RPAIN: variants seen among roughly 807,000 people sequenced by gnomAD.
RPAIN encodes RPA-interacting protein.
RPAIN carries 29 observed loss-of-function variants against 30.5 expected under a neutral mutation model. The ratio of observed to expected loss-of-function variants is 0.95; its 90% CI spans 0.71 to 1.30. The LOEUF (loss-of-function observed/expected upper bound fraction) is 1.30. Among genes scored for constraint, RPAIN ranks in the 50% most tolerant of loss-of-function variants. The pLI, the probability that RPAIN is intolerant of heterozygous loss-of-function variation, is 0.00. For missense variants in RPAIN, 247 were observed against 264.7 expected, an observed-to-expected ratio of 0.93 and a Z score of 0.46; for synonymous variants, 101 against 93.5, an observed-to-expected ratio of 1.08 and a Z score of -0.46.
At chr17:5,429,489 CTAA>C in intron 6 of RPAIN, 1 of 984,210 alleles carries the variant, frequency 1.0e-6, no homozygotes, top group South Asian at 4.7e-5. Flanking sequence ...AATTTTACTA[CTAA>C]TAAGCGATAG....
chr17:5,423,920 T>A (rs1268904075), intron 3 of RPAIN, among the ~76,000 whole-genome samples: 1 of 140,472 alleles, frequency 7.1e-6, no homozygotes, highest in East Asian at 3.3e-4. Context: ...CCCTGGCTAA[T>A]TTTTTTTTAT....
At chr17:5,424,632 T>A (rs1915206634) in intron 3 of RPAIN, among the ~76,000 whole-genome samples, 1 of 152,212 alleles carries the variant, frequency 6.6e-6, no homozygotes, top group Non-Finnish European at 1.5e-5. Context: ...ACTACTTTAA[T>A]TTGTGTGGCA....
At chr17:5,422,741 C>T (rs760366974) in intron 2 of RPAIN, 28 bp from the exon 3 acceptor site, 2 of 1,609,610 alleles carry the variant, frequency 1.2e-6, no homozygotes, top group Non-Finnish European at 1.7e-6. Context: ...ATACTTCAAA[C>T]TTCTGATGCC....
intron 3 of RPAIN, chr17:5,423,054 T>G: frequency 2.3e-6 from 1 of 438,680 alleles, no homozygotes; most frequent in South Asian, 4.4e-5. Flanking sequence ...AATGATGCTG[T>G]TTTCTCCATG....
At chr17:5,428,658 AGGTGTGAGGGCCAGGAACACAAGTG>A (rs1915634601) in intron 6 of RPAIN, 1 of 826,012 alleles carries the variant, frequency 1.2e-6, no homozygotes, top group Admixed American at 4.8e-5. Context: ...GTGACAACTG[AGGTGTGAGGGCCAGGAACACAAGTG>A]GGTAAGGGAA....
rs768490030 is a variant in RPAIN, at chr17:5,422,830, G to A, written c.313+1G>A. ...ATTCAACAGGAGCTGATCAACCAAG[G>A]TAACCCCTAGTGGTAGTCCTTCCTT... On this transcript the variant is annotated splice_donor_variant, in intron 3 of 6. Coordinates refer to ENST00000381209, the MANE Select transcript of RPAIN (RefSeq NM_001033002.4). LOFTEE classifies it high-confidence loss of function. 6.2e-7 allele frequency: 1 copy of A among 1,602,876 alleles called. No individual in the cohort carries two copies. Among genetic ancestry groups the A allele is most frequent in the Non-Finnish European group, 8.5e-7 (1 of 1,170,862 alleles).
At chr17:5,422,705 T>A in intron 2 of RPAIN, 64 bp from the exon 3 acceptor site, 1 of 1,481,234 alleles carries the variant, frequency 6.8e-7, no homozygotes, top group East Asian at 2.3e-5. Context: ...CAAGTATGAA[T>A]CACTGTGGGG....
chr17:5,425,883 T>G (rs1049526901), intron 3 of RPAIN, 88 bp from the exon 4 acceptor site: 12 of 805,774 alleles, frequency 1.5e-5, no homozygotes, highest in Non-Finnish European at 2.4e-5. Context: ...TTCCCTCGTG[T>G]GAAGGAAGCC....
Position 5,426,295 on chromosome 17 carries a change from C to T in RPAIN, c.485C>T (p.Ser162Phe). ...VVCQCGLSIP[S>F]HSSELTEQKL... ...TGTCAGTGTGGCCTGTCCATCCCATCTCATGTGAGTGTTCCACACACAGAT... is the reference window on the plus strand; with the variant it reads ...TGTCAGTGTGGCCTGTCCATCCCATTTCATGTGAGTGTTCCACACACAGAT... Residue 162 changes from serine (S) to phenylalanine (F), a missense_variant, in exon 5 of 7, where the codon TCT (serine) becomes TTT (phenylalanine). Coordinates refer to ENST00000381209, the MANE Select transcript of RPAIN (RefSeq NM_001033002.4). 1 of 1,613,302 alleles carries T rather than the reference C, an allele frequency of 6.2e-7. No homozygotes were observed. Among genetic ancestry groups the T allele is most frequent in the Middle Eastern group, 1.6e-4 (1 of 6,062 alleles).
chr17:5,422,647 G>A, intron 2 of RPAIN, 122 bp from the exon 3 acceptor site: 2 of 769,424 alleles, frequency 2.6e-6, no homozygotes, highest in Non-Finnish European at 4.5e-6. Flanking sequence ...TCTGCAGGAG[G>A]ACTGGACTGA....
chr17:5,421,164 A>G, intron 1 of RPAIN, 132 bp from the exon 2 acceptor site: 1 of 809,822 alleles, frequency 1.2e-6, no homozygotes, highest in Non-Finnish European at 1.9e-6. Flanking sequence ...TGCAAAAGTA[A>G]CACTAGTTAG....
chr17:5,420,243 C>T lies in RPAIN; in HGVS notation c.33C>T (p.Ser11=), dbSNP rs1597337145. The change falls in exon 1 of 7, where the codon TCC becomes TCT. Residue 11 remains serine, a synonymous_variant. Transcript: ENST00000381209. ...AGTCGTTGAGGTCTCCGCGCCGCTCCCTGTACAAACTGGTGGGCTCGCCGC... is the reference window on the plus strand; with the variant it reads ...AGTCGTTGAGGTCTCCGCGCCGCTCTCTGTACAAACTGGTGGGCTCGCCGC... The part of the protein sequence containing the change: MAESLRSPRR[S]LYKLVGSPPW... 6.2e-7 allele frequency: 1 copy of T among 1,613,884 alleles called. No homozygotes were observed. Among genetic ancestry groups the T allele is most frequent in the East Asian group, 2.2e-5 (1 of 44,858 alleles).
At chr17:5,429,301 G>A in intron 6 of RPAIN, 3 of 985,452 alleles carry the variant, frequency 3.0e-6, no homozygotes, top group South Asian at 9.4e-5. Context: ...GGTGAGTTGT[G>A]GGGGTAGAGC....
At chr17:5,424,077 T>C (rs1050079114) in intron 3 of RPAIN, among the ~76,000 whole-genome samples, 2 of 151,738 alleles carry the variant, frequency 1.3e-5, no homozygotes, top group Non-Finnish European at 2.9e-5. Flanking sequence ...GGCTTCATCC[T>C]CCTAGGCTCA....
At chr17:5,431,684 G>A (rs753312558) in intron 6 of RPAIN, 51 of 454,286 alleles carry the variant, frequency 1.1e-4, no homozygotes, top group South Asian at 7.8e-4. Flanking sequence ...GGCTGAGGAT[G>A]TGTTGAAAGA....
At chr17:5,429,337 G>C in intron 6 of RPAIN, 4 of 985,478 alleles carry the variant, frequency 4.1e-6, no homozygotes, top group Non-Finnish European at 4.8e-6. Context: ...CCACATAGAA[G>C]AACAAGGCAG....
rs1221342256 is a variant in RPAIN at position 5,420,824 on chromosome 17, G to A, written c.82-472G>A. 5.3e-5 allele frequency among the ~76,000 whole-genome samples: 8 copies of A among 152,308 alleles called. 1 individual carries two copies. Among genetic ancestry groups the A allele is most frequent in the African/African-American group, 1.9e-4 (8 of 41,564 alleles). Reference sequence around the variant, plus strand: ...TTATATGTTGTGGAGGGTTGTTTAAGCCACGTCTCGGGCCTCCACCCACTA... The same window carrying A: ...TTATATGTTGTGGAGGGTTGTTTAAACCACGTCTCGGGCCTCCACCCACTA... On this transcript the variant is annotated intron_variant, in intron 1 of 6. Coordinates refer to ENST00000381209, the MANE Select transcript of RPAIN (RefSeq NM_001033002.4).
chr17:5,425,923 G>A (rs1915338136), intron 3 of RPAIN, 48 bp from the exon 4 acceptor site: 1 of 1,251,180 alleles, frequency 8.0e-7, no homozygotes, highest in Non-Finnish European at 1.2e-6. Flanking sequence ...ATTAAATACA[G>A]GGCCAGCTGA....
chr17:5,427,473 T>G (rs1010359137), intron 5 of RPAIN: 4 of 153,156 alleles, frequency 2.6e-5, no homozygotes, highest in African/African-American at 9.6e-5. Flanking sequence ...CTATAATACA[T>G]AGTCCAGAGT....
Sources: allele counts gnomAD v4.1 joint callset (sites outside exome capture counted in the v4.1 genomes callset), GRCh38; gene constraint gnomAD v4.1.1; transcripts MANE v1.5; gene names NCBI Gene and HGNC (gene_info 2026-07-23, HGNC 2026-07-21).